Variants in ZNF787 observed in about 807,000 individuals in gnomAD.
ZNF787 encodes the protein TTF-I-interacting peptide 20.
Under a neutral mutation model 16.9 loss-of-function variants are expected in ZNF787, and 7 were observed. That is an observed-to-expected ratio of 0.42 (90% CI 0.24 to 0.78). The LOEUF is 0.78. Ranked by LOEUF, ZNF787 falls within the 30% of genes least tolerant of loss-of-function variation. ZNF787 has a pLI of 0.30. For synonymous variants in ZNF787, 345 were observed against 270.9 expected (o/e 1.27, Z -2.69); for missense variants, 551 against 589.3 (o/e 0.94, Z 0.67).
At chr19:56,112,637 C>T (rs1218483781) in intron 1 of ZNF787, among the ~76,000 whole-genome samples, 1 of 151,322 alleles carries the variant, frequency 6.6e-6, no homozygotes, top group Non-Finnish European at 1.5e-5. Flanking sequence ...CACCCACCTG[C>T]TTTCTTCCTC....
chr19:56,094,538 T>C (rs1985795616), intron 2 of ZNF787, among the ~76,000 whole-genome samples: 1 of 152,076 alleles, frequency 6.6e-6, no homozygotes, highest in Non-Finnish European at 1.5e-5. Flanking sequence ...AAGAACGATG[T>C]TTTTATTCTT....
At chr19:56,120,961 T>G (rs1397025527) in intron 1 of ZNF787, among the ~76,000 whole-genome samples, 3 of 73,296 alleles carry the variant, frequency 4.1e-5, no homozygotes, top group Non-Finnish European at 7.9e-5. Context: ...GCGCGTCCCC[T>G]CCCACAGCTC....
At chr19:56,108,351 C>T (rs528173134) in intron 1 of ZNF787, among the ~76,000 whole-genome samples, 9 of 142,310 alleles carry the variant, frequency 6.3e-5, no homozygotes, top group Non-Finnish European at 9.1e-5. Flanking sequence ...CCCTCCACCC[C>T]GCCCCTGCCC....
In ZNF787 at chr19:56,088,198, C is replaced by T; in HGVS notation, c.974G>A (p.Gly325Asp). The part of the protein sequence containing the change: ...PAHICVECGE[G>D]FVQGAALRRH... ...CCGGAGCGCGGCGCCCTGCACGAAGCCCTCCCCGCACTCCACGCAGATGTG... is the reference window on the plus strand; with the variant it reads ...CCGGAGCGCGGCGCCCTGCACGAAGTCCTCCCCGCACTCCACGCAGATGTG... Residue 325 changes from glycine (G) to aspartate (D), a missense_variant, in exon 3 of 3, where the codon GGC becomes GAC. Gly to Asp is a moderately conservative substitution (Grantham distance 94). Transcript: ENST00000610935. This position sits in a 1 kb window ranked among gnomAD's most constrained non-coding sequence, Gnocchi z 8.6. The T allele has an allele frequency of 1.3e-6, 2 of 1,537,830 alleles. No individual in the cohort carries two copies. The highest frequency in any genetic ancestry group is 1.7e-6 in the Non-Finnish European group (2 of 1,148,382).
rs1985394425 is a variant in ZNF787, at chr19:56,088,083, G to GTCGTCC, written c.1088_1089insGGACGA (p.Glu362_Asp363insGluAsp). 2 of 1,491,134 alleles carry GTCGTCC rather than the reference G, an allele frequency of 1.3e-6. No individual in the cohort carries two copies. The highest frequency in any genetic ancestry group is 1.2e-5 in the South Asian group (1 of 80,978). 92.4% of individuals were successfully genotyped at this position (1,491,134 alleles called of 1,614,324 possible). ...GCCCGCCCGCGGCCTCGTCGTCGTC[G>GTCGTCC]TCCTCCTCCTCCCCGCCCGCGCGGT... On this transcript the variant is annotated inframe_insertion, in exon 3 of 3. Coordinates refer to ENST00000610935, the MANE Select transcript of ZNF787 (RefSeq NM_001002836.4). This position sits in a 1 kb window ranked among gnomAD's most constrained non-coding sequence, Gnocchi z 8.6.
Position 56,088,331 on chromosome 19 carries a change from C to A in ZNF787, c.841G>T (p.Val281Leu). Residue 281 changes from valine to leucine, a missense_variant, in exon 3 of 3, where the codon GTG becomes TTG. This residue lies in a region of ZNF787 where 392 missense variants were observed against 312.7 expected (regional missense o/e 1.25). Transcript: ENST00000610935. This position sits in a 1 kb window ranked among gnomAD's most constrained non-coding sequence, Gnocchi z 8.6. ...AAGCCCTTCCCGCACTCCAGACACA[C>A]GTACGGCTTGGGGGCCGGGGCGCGC... ...SRRAPAPKPY[V>L]CLECGKGFGH... 8.1e-7 allele frequency: 1 copy of A among 1,240,312 alleles called. No individual in the cohort carries two copies. The highest frequency in any genetic ancestry group is 2.3e-5 in the South Asian group (1 of 42,714). 76.8% of individuals were successfully genotyped at this position (1,240,312 alleles called of 1,614,324 possible). A position where few individuals can be genotyped will look rare whatever the true frequency, so the allele number is the denominator to read the frequency against.
At chr19:56,104,629 T>C (rs1353447882) in intron 1 of ZNF787, among the ~76,000 whole-genome samples, 1 of 151,412 alleles carries the variant, frequency 6.6e-6, no homozygotes, top group Non-Finnish European at 1.5e-5. Flanking sequence ...AACCGTGCCA[T>C]GCACCAAGAG....
chr19:56,119,808 G>C (rs1209320114), intron 1 of ZNF787, among the ~76,000 whole-genome samples: 2 of 152,260 alleles, frequency 1.3e-5, no homozygotes, highest in Admixed American at 1.3e-4. Flanking sequence ...CACAGGGACT[G>C]CGCAGAGGCA....
At chr19:56,091,040 G>A (rs1409966397) in intron 2 of ZNF787, among the ~76,000 whole-genome samples, 1 of 152,250 alleles carries the variant, frequency 6.6e-6, no homozygotes, top group African/African-American at 2.4e-5. Context: ...GGAGCCTTCT[G>A]GAGAGATGGC....
intron 2 of ZNF787, chr19:56,102,177 T>G (rs556410095): frequency 9.8e-5 from 15 of 152,430 alleles, no homozygotes; most frequent in African/African-American, 3.6e-4. Flanking sequence ...CAGCCTGAGC[T>G]GGCAAGCTCT....
intron 2 of ZNF787, 117 bp from the exon 3 acceptor site, chr19:56,089,209 T>C: frequency 1.5e-6 from 1 of 647,592 alleles, no homozygotes; most frequent in Non-Finnish European, 2.4e-6. Flanking sequence ...CCTGCCCTGG[T>C]GTCCTCAGAG....
chr19:56,088,723 T>G lies in ZNF787; in HGVS notation c.449A>C (p.Tyr150Ser). 1 of 1,608,882 alleles carries G rather than the reference T, an allele frequency of 6.2e-7. No individual in the cohort carries two copies. The highest frequency in any genetic ancestry group is 8.5e-7 in the Non-Finnish European group (1 of 1,178,510). ...GCTGCGGCCGCAGTCGGGGCAGGTGTAGGGCTTCTCGCCCGTGTGGATGCG... is the reference window on the plus strand; with the variant it reads ...GCTGCGGCCGCAGTCGGGGCAGGTGGAGGGCTTCTCGCCCGTGTGGATGCG... Reference protein sequence around the residue: ...HQRIHTGEKPYTCPDCGRSFT... With the variant: ...HQRIHTGEKPSTCPDCGRSFT... Residue 150 changes from tyrosine to serine, a missense_variant, in exon 3 of 3, where the codon TAC becomes TCC. Around this residue, in one of 4 missense-constraint regions of ZNF787, gnomAD observed 40 missense variants for 60.7 expected, o/e 0.66. Coordinates refer to ENST00000610935, the MANE Select transcript of ZNF787 (RefSeq NM_001002836.4). This position sits in a 1 kb window ranked among gnomAD's most constrained non-coding sequence, Gnocchi z 8.6.
intron 2 of ZNF787, among the ~76,000 whole-genome samples, chr19:56,101,479 G>A (rs1314438865): frequency 6.6e-6 from 1 of 152,242 alleles, no homozygotes; most frequent in Non-Finnish European, 1.5e-5. Context: ...TCTACAAAGA[G>A]AGTGAGTGTA....
intron 1 of ZNF787, among the ~76,000 whole-genome samples, chr19:56,120,909 C>G (rs1277007062): frequency 7.3e-6 from 1 of 136,938 alleles, no homozygotes; most frequent in African/African-American, 2.7e-5. Context: ...CGCACGCGCA[C>G]CCCCCCTCCA....
intron 2 of ZNF787, among the ~76,000 whole-genome samples, chr19:56,098,928 A>G (rs1427940523): frequency 6.6e-6 from 1 of 151,900 alleles, no homozygotes; most frequent in East Asian, 1.9e-4. Flanking sequence ...GAAGTGGCAC[A>G]GCAGGACACT....
intron 2 of ZNF787, chr19:56,102,647 T>TGTAGATCTCGGTGGTCG: frequency 2.1e-6 from 1 of 478,774 alleles, no homozygotes; most frequent in Non-Finnish European, 3.7e-6. Flanking sequence ...AAAGTCTGCG[T>TGTAGATCTCGGTGGTCG]CAGCCTGCGG....
At chr19:56,110,180 T>C (rs1811631054) in intron 1 of ZNF787, among the ~76,000 whole-genome samples, 1 of 151,920 alleles carries the variant, frequency 6.6e-6, no homozygotes, top group Non-Finnish European at 1.5e-5. Context: ...GCCAATATGG[T>C]GAAATCTTGT....
rs922658918 is a variant in ZNF787, at chr19:56,087,708, T to G, written c.*315A>C. On this transcript the variant is annotated 3_prime_UTR_variant, in exon 3 of 3. Transcript: ENST00000610935. ...GACAACTGAGGAAGAGCAGGGAAAA[T>G]GGCCTTCCGCTTGGGGCCTGGTCGC... 7.2e-5 allele frequency: 13 copies of G among 181,234 alleles called. No homozygotes were observed. The highest frequency in any genetic ancestry group is 4.7e-4 in the Admixed American group (7 of 14,978). The allele number at this position is 181,234 out of a possible 1,614,324, so 11.2% of individuals were successfully genotyped here. A position where few individuals can be genotyped will look rare whatever the true frequency, so the allele number is the denominator to read the frequency against.
At chr19:56,110,342 A>C (rs575332568) in intron 1 of ZNF787, among the ~76,000 whole-genome samples, 99 of 151,918 alleles carry the variant, frequency 6.5e-4, no homozygotes, top group African/African-American at 2.2e-3. Context: ...AGCCTGGGCA[A>C]CAGAGCGAGA....
Sources: gnomAD v4.1 joint callset for allele counts (sites outside exome capture counted in the v4.1 genomes callset) on GRCh38, gnomAD v4.1.1 for gene constraint, gnomAD v4.1.1 regional missense constraint, Gnocchi (gnomAD v3.1) non-coding constraint, MANE v1.5 for transcripts, NCBI Gene and HGNC (gene_info 2026-07-23, HGNC 2026-07-21) for gene names.